The following TYW2 variants were observed in gnomAD, a reference collection of about 807,000 sequenced individuals.
TYW2 encodes tRNA wybutosine-synthesizing protein 2 homolog.
chr8:124,452,217 C>T, the TYW2 span: 3 of 1,614,158 alleles, frequency 1.9e-6, no homozygotes, highest in Admixed American at 1.7e-5. Flanking sequence ...CCTATGCTCC[C>T]CATGTGGATC....
the TYW2 span, chr8:124,451,235 C>G: frequency 6.2e-7 from 1 of 1,614,132 alleles, no homozygotes; most frequent in Non-Finnish European, 8.5e-7. Flanking sequence ...GGTTGTTCAC[C>G]TGCCCAAAAA....
the TYW2 span, chr8:124,451,817 T>G: frequency 6.2e-7 from 1 of 1,614,042 alleles, no homozygotes; most frequent in African/African-American, 1.3e-5. Context: ...AACAGAAAAC[T>G]GAAGCTCTCA....
the TYW2 span, chr8:124,450,854 G>C: frequency 3.3e-5 from 50 of 1,523,910 alleles, no homozygotes; most frequent in Admixed American, 1.0e-3. Context: ...TGAGCTGCAG[G>C]CTACCTTATT....
chr8:124,451,858 A>G, the TYW2 span: 3 of 1,614,202 alleles, frequency 1.9e-6, no homozygotes, highest in Non-Finnish European at 2.5e-6. Flanking sequence ...CCTGGGGCTG[A>G]TTCCCAGCTC....
At chr8:124,453,012 T>G in the TYW2 span, 1 of 160,642 alleles carries the variant, frequency 6.2e-6, no homozygotes, top group South Asian at 2.1e-4. Context: ...TAAATTTGGT[T>G]TGTTGTGGTA....
chr8:124,452,373 G>GT, the TYW2 span: 5 of 1,257,624 alleles, frequency 4.0e-6, no homozygotes, highest in East Asian at 2.4e-5. Context: ...CTGGTGATCA[G>GT]TTTTTTTCAT....
chr8:124,452,535 C>G, the TYW2 span: 9 of 444,710 alleles, frequency 2.0e-5, no homozygotes, highest in East Asian at 3.5e-4. Context: ...AAATTCTGAC[C>G]TCAGTTCTGG....
the TYW2 span, chr8:124,450,844 T>A: frequency 2.7e-6 from 4 of 1,489,804 alleles, no homozygotes; most frequent in South Asian, 5.3e-5. Context: ...CATGGCCGGG[T>A]GAGCTGCAGG....
chr8:124,450,948 T>C, the TYW2 span: 1 of 1,613,852 alleles, frequency 6.2e-7, no homozygotes, highest in Non-Finnish European at 8.5e-7. Context: ...ATGTGGTTGT[T>C]AGCAACATGG....
the TYW2 span, chr8:124,452,513 A>G: frequency 6.1e-6 from 3 of 488,830 alleles, no homozygotes; most frequent in South Asian, 1.1e-4. Context: ...CATCTGTGCA[A>G]TTATGAATTC....
chr8:124,451,768 A>G, the TYW2 span: 1 of 1,614,158 alleles, frequency 6.2e-7, no homozygotes, highest in Non-Finnish European at 8.5e-7. Flanking sequence ...CCTTGAGATC[A>G]ATGGAGTAGC....
chr8:124,452,337 G>A, the TYW2 span: 1 of 1,525,882 alleles, frequency 6.6e-7, no homozygotes, highest in African/African-American at 1.4e-5. Context: ...TATCAGTTCA[G>A]TCCAGGTTGT....
the TYW2 span, chr8:124,452,401 G>T: frequency 1.1e-6 from 1 of 880,376 alleles, no homozygotes; most frequent in South Asian, 1.8e-5. Context: ...AGCCCTGAAA[G>T]CAGGCTCTAG....
chr8:124,450,909 AT>A, the TYW2 span: 1 of 1,600,696 alleles, frequency 6.2e-7, no homozygotes, highest in Non-Finnish European at 8.5e-7. Flanking sequence ...CTCTGAGGAG[AT>A]GGAGTATCGC....
chr8:124,451,898 T>C, the TYW2 span: 3 of 1,614,110 alleles, frequency 1.9e-6, no homozygotes, highest in Non-Finnish European at 2.5e-6. Context: ...GCCTGCCAAG[T>C]GTTAAGGCAG....
At chr8:124,452,288 TG>T in the TYW2 span, 29 of 1,608,092 alleles carry the variant, frequency 1.8e-5, no homozygotes, top group Admixed American at 4.8e-4. Context: ...AGGTAGATCC[TG>T]GGACACATGG....
At chr8:124,451,694 C>G in the TYW2 span, 1 of 1,614,202 alleles carries the variant, frequency 6.2e-7, no homozygotes, top group Non-Finnish European at 8.5e-7. Flanking sequence ...CTAGTTCATG[C>G]TGGTGCTGCC....
At chr8:124,452,341 AG>A in the TYW2 span, 1 of 1,518,076 alleles carries the variant, frequency 6.6e-7, no homozygotes, top group East Asian at 2.3e-5. Context: ...AGTTCAGTCC[AG>A]GTTGTCATCC....
chr8:124,451,151 G>A, the TYW2 span: 1 of 1,614,220 alleles, frequency 6.2e-7, no homozygotes, highest in Non-Finnish European at 8.5e-7. Flanking sequence ...CAGGAGCTGA[G>A]GAATCGTGTT....
Sources: gnomAD v4.1 joint callset for allele counts on GRCh38, gnomAD v4.1.1 for gene constraint, MANE v1.5 for transcripts, NCBI Gene and HGNC (gene_info 2026-07-23, HGNC 2026-07-21) for gene names.